CFAP299: variants seen among roughly 807,000 people sequenced by gnomAD.
The protein encoded by CFAP299 is cilia and flagella associated protein 299.
CFAP299 carries 21 observed loss-of-function variants against 27.0 expected under a neutral mutation model. The observed-to-expected ratio is 0.78, with a 90% CI of 0.55 to 1.12. The LOEUF is 1.12. Among genes scored for constraint, CFAP299 ranks in the 50% most tolerant of loss-of-function variants. The pLI is 0.00. For synonymous variants in CFAP299, 104 were observed against 98.1 expected (o/e 1.06, Z -0.36); for missense variants, 310 against 276.6 (o/e 1.12, Z -0.86).
rs981163736 is a variant in CFAP299, at chr4:80,613,460, T to A, written c.333+30277T>A. On this transcript the variant is annotated intron_variant, in intron 3 of 5. Transcript: ENST00000358105. ...CAACTCAATTTATTATAAACAAAAA[T>A]TACTTTATTTCTTTCATTATCTCTT... Among the ~76,000 whole-genome samples the A allele has an allele frequency of 8.5e-5, 13 of 152,146 alleles. 1 individual carries two copies. Among genetic ancestry groups the A allele is most frequent in the African/African-American group, 2.9e-4 (12 of 41,406 alleles).
At chr4:80,502,861 A>T (rs1560597483) in intron 2 of CFAP299, among the ~76,000 whole-genome samples, 2 of 152,018 alleles carry the variant, frequency 1.3e-5, no homozygotes, top group African/African-American at 4.8e-5. Context: ...TTATCTCAGG[A>T]CTCTGGTTTA....
chr4:80,695,251 A>G (rs1443544871), intron 3 of CFAP299, among the ~76,000 whole-genome samples: 1 of 152,214 alleles, frequency 6.6e-6, no homozygotes, highest in East Asian at 1.9e-4. Context: ...GATATACTAG[A>G]AAATCAATTC....
intron 3 of CFAP299, among the ~76,000 whole-genome samples, chr4:80,692,882 T>C (rs1050514058): frequency 7.9e-5 from 12 of 151,672 alleles, no homozygotes; most frequent in African/African-American, 1.9e-4. Context: ...AAAAAGTGGG[T>C]GAAGGACATG....
At chr4:80,665,078 A>G (rs1275456375) in intron 3 of CFAP299, among the ~76,000 whole-genome samples, 1 of 152,090 alleles carries the variant, frequency 6.6e-6, no homozygotes, top group Non-Finnish European at 1.5e-5. Flanking sequence ...ATCAGTCTCA[A>G]TGAGATGAGC....
intron 2 of CFAP299, among the ~76,000 whole-genome samples, chr4:80,366,881 G>A (rs1472843953): frequency 1.3e-5 from 2 of 152,018 alleles, no homozygotes; most frequent in Non-Finnish European, 2.9e-5. Context: ...TCATCAAAAG[G>A]TATAAAGTAG....
intron 2 of CFAP299, among the ~76,000 whole-genome samples, chr4:80,471,459 A>G (rs572165517): frequency 2.2e-4 from 33 of 151,396 alleles, no homozygotes; most frequent in African/African-American, 6.3e-4. Flanking sequence ...GGCAGGAAAG[A>G]TCTGGCGGCA....
intron 1 of CFAP299, among the ~76,000 whole-genome samples, chr4:80,355,065 T>C (rs977021805): frequency 4.6e-5 from 7 of 152,150 alleles, no homozygotes; most frequent in Non-Finnish European, 1.0e-4. Context: ...GGACGAATGG[T>C]ATTTCTATTT....
intron 1 of CFAP299, among the ~76,000 whole-genome samples, chr4:80,350,347 A>G (rs1053327759): frequency 1.3e-5 from 2 of 152,214 alleles, no homozygotes; most frequent in African/African-American, 2.4e-5. Flanking sequence ...ATAAAGAGAA[A>G]ATCTTAAAAA....
intron 4 of CFAP299, among the ~76,000 whole-genome samples, chr4:80,891,128 C>T (rs2110186258): frequency 6.7e-6 from 1 of 149,624 alleles, no homozygotes; most frequent in Middle Eastern, 3.4e-3. Flanking sequence ...GACATGAAGT[C>T]CTTGCCCACG....
chr4:80,796,824 A>C (rs1215207588), intron 3 of CFAP299, among the ~76,000 whole-genome samples: 1 of 152,156 alleles, frequency 6.6e-6, no homozygotes, highest in Non-Finnish European at 1.5e-5. Context: ...TCTAGCTAAA[A>C]TTAACTCTAA....
intron 3 of CFAP299, among the ~76,000 whole-genome samples, chr4:80,836,776 T>C (rs916755843): frequency 1.3e-5 from 2 of 152,170 alleles, no homozygotes; most frequent in African/African-American, 2.4e-5. Context: ...ACATAGTTTC[T>C]AGTTATATAA....
intron 3 of CFAP299, among the ~76,000 whole-genome samples, chr4:80,629,760 G>A (rs185662663): frequency 2.0e-5 from 3 of 151,678 alleles, no homozygotes; most frequent in East Asian, 1.9e-4. Flanking sequence ...TGCACCTGTA[G>A]TCCCAGCTAC....
intron 3 of CFAP299, among the ~76,000 whole-genome samples, chr4:80,692,635 G>C (rs956582636): frequency 6.6e-6 from 1 of 152,050 alleles, no homozygotes; most frequent in Non-Finnish European, 1.5e-5. Flanking sequence ...CATAGGCATG[G>C]GCAAGGACTT....
chr4:80,740,119 A>G (rs1180800277), intron 3 of CFAP299, among the ~76,000 whole-genome samples: 1 of 152,144 alleles, frequency 6.6e-6, no homozygotes, highest in Non-Finnish European at 1.5e-5. Context: ...TTTCTGTCTG[A>G]AAGGTCATAT....
intron 2 of CFAP299, among the ~76,000 whole-genome samples, chr4:80,526,650 T>C (rs1733193820): frequency 1.3e-5 from 2 of 152,148 alleles, no homozygotes; most frequent in African/African-American, 4.8e-5. Flanking sequence ...TAATTGGCAC[T>C]TTTGTTACTG....
At chr4:80,434,562 G>A (rs1235924073) in intron 2 of CFAP299, among the ~76,000 whole-genome samples, 1 of 152,180 alleles carries the variant, frequency 6.6e-6, no homozygotes, top group Admixed American at 6.5e-5. Flanking sequence ...AGATGACAAA[G>A]TTATGTGATA....
At chr4:80,438,788 G>T (rs1004825643) in intron 2 of CFAP299, among the ~76,000 whole-genome samples, 10 of 152,182 alleles carry the variant, frequency 6.6e-5, no homozygotes, top group African/African-American at 2.4e-4. Context: ...GTAAGAGAGA[G>T]AAATAGAATT....
At chr4:80,336,986 TC>T (rs1722179191) in intron 1 of CFAP299, among the ~76,000 whole-genome samples, 2 of 152,212 alleles carry the variant, frequency 1.3e-5, no homozygotes, top group Non-Finnish European at 2.9e-5. Context: ...ATTACAGGTT[TC>T]AAAAGTGTTA....
intron 4 of CFAP299, among the ~76,000 whole-genome samples, chr4:80,917,277 G>C (rs1217603516): frequency 2.0e-5 from 3 of 151,986 alleles, no homozygotes; most frequent in Non-Finnish European, 1.5e-5. Context: ...AACCGATCTG[G>C]GCAAGGAACA....
Sources: gnomAD v4.1 joint callset for allele counts (sites outside exome capture counted in the v4.1 genomes callset) on GRCh38, gnomAD v4.1.1 for gene constraint, MANE v1.5 for transcripts, NCBI Gene and HGNC (gene_info 2026-07-23, HGNC 2026-07-21) for gene names.